The following SLC7A1 variants were observed in gnomAD, a reference collection of about 807,000 sequenced individuals.
The protein encoded by SLC7A1 is high affinity cationic amino acid transporter 1.
SLC7A1 carries 10 observed loss-of-function variants against 53.9 expected under a neutral mutation model. The observed-to-expected ratio is 0.19, with a 90% CI of 0.11 to 0.31. The LOEUF (loss-of-function observed/expected upper bound fraction) is 0.31, where lower values mean the gene tolerates loss of function less well. Among genes scored for constraint, SLC7A1 ranks in the 10% least tolerant of loss-of-function variants. The pLI, the probability that SLC7A1 is intolerant of heterozygous loss-of-function variation, is 1.00. For missense variants in SLC7A1, 525 were observed against 827.2 expected (o/e 0.63, Z 4.48); for synonymous variants, 342 against 338.7 (o/e 1.01, Z -0.11).
intron 9 of SLC7A1, among the ~76,000 whole-genome samples, chr13:29,519,235 T>G (rs1868510307): frequency 6.6e-6 from 1 of 152,170 alleles, no homozygotes; most frequent in South Asian, 2.1e-4. Context: ...TGAGGGCACA[T>G]GATAGAGGGG....
At chr13:29,578,298 G>GT (rs923782923) in intron 1 of SLC7A1, among the ~76,000 whole-genome samples, 1 of 150,614 alleles carries the variant, frequency 6.6e-6, no homozygotes, top group South Asian at 2.1e-4. Context: ...TTTTTTTTTT[G>GT]TTTTTTGCAA....
At chr13:29,516,892 G>C (rs1478816885) in intron 11 of SLC7A1, 1 of 422,658 alleles carries the variant, frequency 2.4e-6, no homozygotes, top group African/African-American at 2.0e-5. Context: ...CTCTTGGCCT[G>C]TGTCATGCAG....
rs1341611766 is a variant in SLC7A1, at chr13:29,530,677, C to A, written c.565G>T (p.Val189Phe). The A allele has an allele frequency of 6.2e-7, 1 of 1,613,986 alleles. No individual in the cohort carries two copies. Among genetic ancestry groups the A allele is most frequent in the Non-Finnish European group, 8.5e-7 (1 of 1,179,998 alleles). ...TTAATACAAGTGAATATTTTGTTGA[C>A]CATGGCCGACTCTTTCACACCAAGA... ...LTLGVKESAM[V>F]NKIFTCINVL... The change falls in exon 5 of 13, where the codon GTC becomes TTC. Residue 189 changes from valine to phenylalanine, a missense_variant. Transcript: ENST00000380752.
At chr13:29,556,997 G>A (rs965045793) in intron 1 of SLC7A1, among the ~76,000 whole-genome samples, 1 of 152,240 alleles carries the variant, frequency 6.6e-6, no homozygotes, top group African/African-American at 2.4e-5. Flanking sequence ...CATGCCATAT[G>A]TTAAGCCAGG....
rs1357038953 is a variant in SLC7A1 at position 29,511,740 on chromosome 13, G to A, written c.*2740C>T. 1 of 152,282 alleles carries A rather than the reference G, an allele frequency of 6.6e-6. No individual in the cohort carries two copies. The allele number at this position is 152,282 out of a possible 1,614,324, so 9.4% of individuals were successfully genotyped here. A position where few individuals can be genotyped will look rare whatever the true frequency, so the allele number is the denominator to read the frequency against. The stretch of plus-strand genomic sequence containing the variant: ...GGGCCTTCGGAGGTCATGAACACAT[G>A]CAGGGCAGTCACAGGGGTTGTGGGA... On this transcript the variant is annotated 3_prime_UTR_variant, in exon 13 of 13. Coordinates refer to ENST00000380752, the MANE Select transcript of SLC7A1 (RefSeq NM_003045.5).
chr13:29,551,977 T>G (rs1418289280), intron 2 of SLC7A1, among the ~76,000 whole-genome samples: 1 of 152,148 alleles, frequency 6.6e-6, no homozygotes, highest in African/African-American at 2.4e-5. Flanking sequence ...TTGAAGCTTA[T>G]GGGCAGCCCC....
intron 1 of SLC7A1, among the ~76,000 whole-genome samples, chr13:29,554,289 C>T (rs1337229797): frequency 6.6e-6 from 1 of 152,186 alleles, no homozygotes; most frequent in Non-Finnish European, 1.5e-5. Context: ...GGCAGAAAAC[C>T]TTAGCTGGTG....
At chr13:29,583,488 A>C (rs575533777) in intron 1 of SLC7A1, among the ~76,000 whole-genome samples, 61 of 152,274 alleles carry the variant, frequency 4.0e-4, no homozygotes, top group African/African-American at 1.4e-3. Flanking sequence ...AGTAGACTTC[A>C]ACTCTTCCAG....
intron 1 of SLC7A1, among the ~76,000 whole-genome samples, chr13:29,578,931 C>A (rs280930): frequency 6.6e-6 from 1 of 152,148 alleles, no homozygotes; most frequent in Non-Finnish European, 1.5e-5. Context: ...TTCAATATTG[C>A]CTTTTTCTTC....
intron 1 of SLC7A1, among the ~76,000 whole-genome samples, chr13:29,581,821 T>C (rs893075823): frequency 6.6e-6 from 1 of 152,236 alleles, no homozygotes; most frequent in Non-Finnish European, 1.5e-5. Flanking sequence ...CAACCTCTCC[T>C]TCGCCCATTT....
intron 1 of SLC7A1, among the ~76,000 whole-genome samples, chr13:29,594,810 A>G (rs1007379691): frequency 2.6e-5 from 4 of 152,102 alleles, no homozygotes; most frequent in South Asian, 2.1e-4. Flanking sequence ...ACAAGCGGAG[A>G]GCCAGGCGCC....
intron 1 of SLC7A1, among the ~76,000 whole-genome samples, chr13:29,571,126 G>C (rs2033422581): frequency 6.6e-6 from 1 of 152,052 alleles, no homozygotes; most frequent in Non-Finnish European, 1.5e-5. Context: ...GTATTAGGTT[G>C]GTGCAAAAAT....
At chr13:29,523,569 G>A (rs940037194) in intron 6 of SLC7A1, 81 bp from the exon 7 acceptor site, 3 of 1,082,174 alleles carry the variant, frequency 2.8e-6, no homozygotes, top group Middle Eastern at 2.1e-4. Context: ...AGGCCTCTCA[G>A]TGCCCCGGAA....
At chr13:29,591,465 C>T (rs1387351959) in intron 1 of SLC7A1, among the ~76,000 whole-genome samples, 1 of 152,132 alleles carries the variant, frequency 6.6e-6, no homozygotes, top group East Asian at 1.9e-4. Flanking sequence ...TGCAGAGGCC[C>T]CATACCGAGC....
At chr13:29,591,025 G>C (rs925079293) in intron 1 of SLC7A1, among the ~76,000 whole-genome samples, 2 of 152,058 alleles carry the variant, frequency 1.3e-5, no homozygotes, top group Admixed American at 6.5e-5. Flanking sequence ...TGGGAGGATC[G>C]CTTGATCCCA....
intron 1 of SLC7A1, among the ~76,000 whole-genome samples, chr13:29,555,690 AG>A: frequency 6.7e-6 from 1 of 150,228 alleles, no homozygotes; most frequent in Middle Eastern, 3.4e-3. Context: ...GGCAGAATCT[AG>A]AAGGGAAACA....
chr13:29,588,886 T>C (rs1871994718), intron 1 of SLC7A1, among the ~76,000 whole-genome samples: 1 of 152,180 alleles, frequency 6.6e-6, no homozygotes, highest in African/African-American at 2.4e-5. Flanking sequence ...GCAAAAGGGA[T>C]GAGGGAAGAG....
At chr13:29,560,499 CAT>C (rs1324690517) in intron 1 of SLC7A1, among the ~76,000 whole-genome samples, 1 of 150,336 alleles carries the variant, frequency 6.7e-6, no homozygotes, top group Middle Eastern at 3.2e-3. Context: ...TTAATATATA[CAT>C]ATATATTACT....
intron 2 of SLC7A1, among the ~76,000 whole-genome samples, chr13:29,551,147 G>C (rs1165347882): frequency 6.6e-6 from 1 of 152,146 alleles, no homozygotes; most frequent in African/African-American, 2.4e-5. Flanking sequence ...ATAAAGATGA[G>C]ACCACACATC....
Sources: gnomAD v4.1 joint callset for allele counts (sites outside exome capture counted in the v4.1 genomes callset) on GRCh38, gnomAD v4.1.1 for gene constraint, MANE v1.5 for transcripts, NCBI Gene and HGNC (gene_info 2026-07-23, HGNC 2026-07-21) for gene names.